Variants in REEP3 observed in about 807,000 individuals in gnomAD.
REEP3 encodes the protein receptor accessory protein 3, also known as receptor expression-enhancing protein 3.
REEP3 carries 20 observed loss-of-function variants against 41.3 expected under a neutral mutation model. That is an observed-to-expected ratio of 0.48 (90% confidence interval 0.34 to 0.70). The LOEUF (loss-of-function observed/expected upper bound fraction) is 0.70, where lower values mean the gene tolerates loss of function less well. Ranked by LOEUF, REEP3 falls within the 30% of genes least tolerant of loss-of-function variation. REEP3 has a pLI of 0.01. For missense variants in REEP3, 271 were observed against 308.8 expected (o/e 0.88, Z 0.92); for synonymous variants, 104 against 101.8 (o/e 1.02, Z -0.13).
chr10:63,607,447 T>C (rs930428464), intron 5 of REEP3, among the ~76,000 whole-genome samples: 1 of 152,198 alleles, frequency 6.6e-6, no homozygotes, highest in African/African-American at 2.4e-5. Context: ...CTTGCCTTGC[T>C]CATGTTTATT....
chr10:63,587,913 A>G (rs1179393485), intron 2 of REEP3, among the ~76,000 whole-genome samples: 1 of 152,104 alleles, frequency 6.6e-6, no homozygotes, highest in African/African-American at 2.4e-5. Context: ...CTCTTGTTTC[A>G]TTGTCCTAGA....
intron 2 of REEP3, among the ~76,000 whole-genome samples, chr10:63,568,177 A>C (rs1054336070): frequency 5.3e-5 from 8 of 151,852 alleles, no homozygotes; most frequent in African/African-American, 1.9e-4. Flanking sequence ...TAGTTTCTAG[A>C]TGCCAGCGTG....
At chr10:63,604,205 G>C (rs1746207475) in intron 5 of REEP3, among the ~76,000 whole-genome samples, 1 of 152,168 alleles carries the variant, frequency 6.6e-6, no homozygotes, top group Admixed American at 6.5e-5. Context: ...TTCTGAAAAT[G>C]TTACTCAGTT....
At chr10:63,596,120 A>T (rs1956112044) in intron 3 of REEP3, among the ~76,000 whole-genome samples, 1 of 152,198 alleles carries the variant, frequency 6.6e-6, no homozygotes, top group South Asian at 2.1e-4. Flanking sequence ...AAGAAAAAAA[A>T]TAGAAGTCTT....
rs146874407 is a variant in REEP3 at position 63,619,603 on chromosome 10, C to T, written c.566-52C>T. 1.4e-3 allele frequency: 2,198 copies of T among 1,528,408 alleles called. 24 individuals are homozygous for T. The South Asian group carries it at 0.015, about 11-fold the overall frequency. The allele number at this position is 1,528,408 out of a possible 1,614,324, so 94.7% of individuals were successfully genotyped here. A position where few individuals can be genotyped will look rare whatever the true frequency, so the allele number is the denominator to read the frequency against. ...GTACACAGATGGGTCAAAGAGCCGG[C>T]GCTGACTGGTGTCCTTTTACCAAAA... On this transcript the variant is annotated intron_variant, in intron 6 of 7. Coordinates refer to ENST00000373758, the MANE Select transcript of REEP3 (RefSeq NM_001001330.3).
chr10:63,554,545 T>A (rs1259522818), intron 1 of REEP3, among the ~76,000 whole-genome samples: 1 of 152,192 alleles, frequency 6.6e-6, no homozygotes, highest in Non-Finnish European at 1.5e-5. Context: ...AGAGCACAGG[T>A]CTTCAAATTA....
intron 2 of REEP3, among the ~76,000 whole-genome samples, chr10:63,570,838 G>C (rs1955845238): frequency 6.6e-6 from 1 of 152,102 alleles, no homozygotes; most frequent in Non-Finnish European, 1.5e-5. Context: ...AGAGAGGCCT[G>C]GTGCAGTGGC....
intron 1 of REEP3, among the ~76,000 whole-genome samples, chr10:63,549,054 A>T (rs1955604126): frequency 6.6e-6 from 1 of 152,154 alleles, no homozygotes; most frequent in African/African-American, 2.4e-5. Flanking sequence ...AGAAAGGTAA[A>T]GAGAGAACTA....
At chr10:63,618,888 C>A (rs1180136927) in intron 6 of REEP3, among the ~76,000 whole-genome samples, 1 of 152,258 alleles carries the variant, frequency 6.6e-6, no homozygotes, top group African/African-American at 2.4e-5. Flanking sequence ...CTCAGACTTC[C>A]TGACTGTGTG....
At chr10:63,552,669 T>C (rs1390598177) in intron 1 of REEP3, among the ~76,000 whole-genome samples, 2 of 152,212 alleles carry the variant, frequency 1.3e-5, no homozygotes, top group Non-Finnish European at 2.9e-5. Context: ...TAATCACTTG[T>C]ATATGTTTCT....
At chr10:63,603,177 G>A (rs1266190037) in intron 5 of REEP3, among the ~76,000 whole-genome samples, 2 of 151,822 alleles carry the variant, frequency 1.3e-5, no homozygotes, top group Non-Finnish European at 2.9e-5. Flanking sequence ...GGTGGGCGTG[G>A]TGGTGGGTGC....
intron 2 of REEP3, among the ~76,000 whole-genome samples, chr10:63,579,527 C>T (rs1172006466): frequency 6.6e-6 from 1 of 152,228 alleles, no homozygotes; most frequent in African/African-American, 2.4e-5. Context: ...AAATTGAAAG[C>T]ATTTCCACAG....
intron 7 of REEP3, among the ~76,000 whole-genome samples, chr10:63,620,357 T>G (rs1394810153): frequency 6.6e-6 from 1 of 152,206 alleles, no homozygotes; most frequent in Non-Finnish European, 1.5e-5. Flanking sequence ...GCAAATCACA[T>G]AGTTCAAATA....
chr10:63,561,372 G>A (rs1189521554), intron 1 of REEP3, among the ~76,000 whole-genome samples: 1 of 152,136 alleles, frequency 6.6e-6, no homozygotes, highest in East Asian at 1.9e-4. Flanking sequence ...TTTTAATTAA[G>A]GAAGAAAATA....
intron 5 of REEP3, among the ~76,000 whole-genome samples, chr10:63,605,594 A>G (rs1168845015): frequency 1.3e-5 from 2 of 152,252 alleles, no homozygotes; most frequent in South Asian, 2.1e-4. Context: ...GTGCTGATAA[A>G]CAAAATAAGT....
intron 5 of REEP3, among the ~76,000 whole-genome samples, chr10:63,607,620 A>G (rs1276594339): frequency 6.6e-6 from 1 of 152,198 alleles, no homozygotes; most frequent in East Asian, 1.9e-4. Flanking sequence ...GAGTAATGAA[A>G]AAGAAGGGAC....
chr10:63,532,572 C>T (rs1955432737), intron 1 of REEP3, among the ~76,000 whole-genome samples: 1 of 151,280 alleles, frequency 6.6e-6, no homozygotes, highest in Non-Finnish European at 1.5e-5. Flanking sequence ...GGCAGAATGG[C>T]GTGAACCCAG....
chr10:63,574,649 A>G (rs1177683566), intron 2 of REEP3, among the ~76,000 whole-genome samples: 1 of 151,972 alleles, frequency 6.6e-6, no homozygotes, highest in East Asian at 1.9e-4. Context: ...CTCTGGTGTT[A>G]TTCACTATCT....
intron 2 of REEP3, among the ~76,000 whole-genome samples, chr10:63,566,677 A>T (rs1263385533): frequency 6.6e-6 from 1 of 152,062 alleles, no homozygotes; most frequent in Non-Finnish European, 1.5e-5. Flanking sequence ...GGGGTTGGAG[A>T]ACTTTTGTTT....
Sources: gnomAD v4.1 joint callset for allele counts (sites outside exome capture counted in the v4.1 genomes callset) on GRCh38, gnomAD v4.1.1 for gene constraint, MANE v1.5 for transcripts, NCBI Gene and HGNC (gene_info 2026-07-23, HGNC 2026-07-21) for gene names.